UGT2B28: variants seen among roughly 807,000 people sequenced by gnomAD.
UGT2B28 encodes UDP-glucuronosyltransferase 2B28.
In UGT2B28, 45 loss-of-function variants were observed where a neutral mutation model predicts 43.6. The observed-to-expected ratio is 1.03, with a 90% confidence interval of 0.81 to 1.32. UGT2B28 has a LOEUF of 1.32. Among genes scored for constraint, UGT2B28 ranks in the 40% most tolerant of loss-of-function variants. The pLI is 0.00. For missense variants in UGT2B28, 649 were observed against 625.5 expected (o/e 1.04, Z -0.40); for synonymous variants, 204 against 208.1 (o/e 0.98, Z 0.17).
In UGT2B28 at chr4:69,282,513, G is replaced by T; in HGVS notation, c.722-1G>T. 1 of 1,540,238 alleles carries T rather than the reference G, an allele frequency of 6.5e-7. No individual in the cohort carries two copies. Among genetic ancestry groups the T allele is most frequent in the Non-Finnish European group, 8.7e-7 (1 of 1,149,932 alleles). ...CTTTTTCTTTTCTTTATTCCTGTCAGGAAGACCCACTACCTTATTTGAGAC... is the reference window on the plus strand; with the variant it reads ...CTTTTTCTTTTCTTTATTCCTGTCATGAAGACCCACTACCTTATTTGAGAC... On this transcript the variant is annotated splice_acceptor_variant, in intron 1 of 5. Coordinates refer to ENST00000335568, the MANE Select transcript of UGT2B28 (RefSeq NM_053039.2). LOFTEE classifies it high-confidence loss of function.
At chr4:69,285,675 A>G (rs1237681285) in intron 2 of UGT2B28, among the ~76,000 whole-genome samples, 5 of 141,750 alleles carry the variant, frequency 3.5e-5, no homozygotes, top group East Asian at 2.0e-4. Context: ...GTTAAAAACC[A>G]TTTGGAAAAG....
intron 5 of UGT2B28, among the ~76,000 whole-genome samples, chr4:69,292,276 G>A (rs115890847): frequency 0.013 from 1,753 of 139,962 alleles, 376 homozygotes; most frequent in African/African-American, 0.045. Context: ...TCCTTGCGGA[G>A]TCCAGCTACC....
At chr4:69,288,223 A>G (rs1489058198) in intron 3 of UGT2B28, among the ~76,000 whole-genome samples, 1 of 139,298 alleles carries the variant, frequency 7.2e-6, no homozygotes, top group Non-Finnish European at 1.5e-5. Flanking sequence ...GTCACTTGAA[A>G]TTTTTCTTGG....
chr4:69,286,711 G>C, intron 2 of UGT2B28, 41 bp from the exon 3 acceptor site: 1 of 1,544,694 alleles, frequency 6.5e-7, no homozygotes, highest in Non-Finnish European at 8.7e-7. Context: ...AGTGCCTGCT[G>C]TGGTGATACT....
At position 69,280,540 on chromosome 4, in the gene UGT2B28, C is replaced by A; in HGVS notation, c.40C>A (p.Leu14Ile). 1.9e-6 allele frequency: 3 copies of A among 1,559,296 alleles called. No individual in the cohort carries two copies. The highest frequency in any genetic ancestry group is 2.6e-6 in the Non-Finnish European group (3 of 1,155,248). The part of the protein sequence containing the change: ...KWTSVLLLIH[L>I]GCYFSSGSCG... ...GACTTCAGTTCTTCTGCTGATACAT[C>A]TCGGTTGTTACTTTAGCTCTGGGAG... The change falls in exon 1 of 6, where the codon CTC (leucine) becomes ATC (isoleucine). Residue 14 changes from leucine (L) to isoleucine (I), a missense_variant. By Grantham distance (5) the Leu-to-Ile change is conservative (BLOSUM62 2). Coordinates refer to ENST00000335568, the MANE Select transcript of UGT2B28 (RefSeq NM_053039.2).
In UGT2B28 at chr4:69,282,480, A is replaced by G. The variant is rs754046011; in HGVS notation, c.722-34A>G. ...AAGTTATGTAAAGTAATTATCTTAC[A>G]TCATCCACTTTTTCTTTTCTTTATT... On this transcript the variant is annotated intron_variant, in intron 1 of 5. Transcript: ENST00000335568. The G allele has an allele frequency of 7.8e-6, 12 of 1,529,204 alleles. 3 individuals are homozygous for G. In the African/African-American group the frequency reaches 1.7e-4, roughly 22 times the overall value. The allele number at this position is 1,529,204 out of a possible 1,614,324, so 94.7% of individuals were successfully genotyped here.
At position 69,292,267 on chromosome 4, in the gene UGT2B28, C is replaced by A. The variant is rs1221943958; in HGVS notation, c.1310+1456C>A. Among the ~76,000 whole-genome samples the A allele has an allele frequency of 1.4e-5, 2 of 139,662 alleles. 1 individual carries two copies. The highest frequency in any genetic ancestry group is 5.6e-5 in the African/African-American group (2 of 35,742). 91.6% of individuals were successfully genotyped at this position (139,662 alleles called of 152,430 possible). On this transcript the variant is annotated intron_variant, in intron 5 of 5. Transcript: ENST00000335568. Reference sequence around the variant, plus strand: ...CCCAAAGATAACAATGTGAAAAATTCCTTGCGGAGTCCAGCTACCATCAAT... The same window carrying A: ...CCCAAAGATAACAATGTGAAAAATTACTTGCGGAGTCCAGCTACCATCAAT...
chr4:69,282,891 G>T lies in UGT2B28; in HGVS notation c.870+229G>T, dbSNP rs150581853. Among the ~76,000 whole-genome samples, 468 of 139,652 alleles carry T rather than the reference G, an allele frequency of 3.4e-3. 103 individuals carry two copies. The highest frequency in any genetic ancestry group is 0.012 in the African/African-American group (442 of 35,748). The allele number at this position is 139,652 out of a possible 152,430, so 91.6% of individuals were successfully genotyped here. A position where few individuals can be genotyped will look rare whatever the true frequency, so the allele number is the denominator to read the frequency against. On this transcript the variant is annotated intron_variant, in intron 2 of 5. Transcript: ENST00000335568. The stretch of plus-strand genomic sequence containing the variant: ...ATAGTAAGGAGACTTTGAAAATAGG[G>T]TTGATTAAAGTCTTGATTATGCAAC...
Position 69,286,697 on chromosome 4 carries a change from T to TC in UGT2B28, c.871-55_871-54insC, listed in dbSNP as rs575588802. On this transcript the variant is annotated intron_variant, in intron 2 of 5. Transcript: ENST00000335568. ...TCTTTAATATTTGGTACCAATTCTT[T>TC]AGTAGTGCCTGCTGTGGTGATACTC... 4.2e-4 allele frequency: 644 copies of TC among 1,524,800 alleles called. 134 individuals are homozygous for TC. In the African/African-American group the frequency reaches 9.1e-3, roughly 22 times the overall value. The allele number at this position is 1,524,800 out of a possible 1,614,324, so 94.5% of individuals were successfully genotyped here. A position where few individuals can be genotyped will look rare whatever the true frequency, so the allele number is the denominator to read the frequency against.
In UGT2B28 at chr4:69,283,806, C is replaced by A. The variant is rs1268504241; in HGVS notation, c.870+1144C>A. ...TTATTCAGCACATCAAGGTTATATT[C>A]TCTTGCAAAGTCATATATGACAGAT... On this transcript the variant is annotated intron_variant, in intron 2 of 5. Coordinates refer to ENST00000335568, the MANE Select transcript of UGT2B28 (RefSeq NM_053039.2). Among the ~76,000 whole-genome samples, 2 of 140,464 alleles carry A rather than the reference C, an allele frequency of 1.4e-5. 1 individual carries two copies. Among genetic ancestry groups the A allele is most frequent in the Non-Finnish European group, 3.0e-5 (2 of 65,602 alleles). The allele number at this position is 140,464 out of a possible 152,430, so 92.1% of individuals were successfully genotyped here. A position where few individuals can be genotyped will look rare whatever the true frequency, so the allele number is the denominator to read the frequency against.
In UGT2B28 at chr4:69,281,139, C is replaced by A. The variant is rs542781153; in HGVS notation, c.639C>A (p.Asn213Lys). The change falls in exon 1 of 6, where the codon AAC (asparagine) becomes AAA (lysine). Residue 213 changes from asparagine to lysine, a missense_variant. Physicochemically the swap from Asn to Lys is moderately conservative, Grantham distance 94. Coordinates refer to ENST00000335568, the MANE Select transcript of UGT2B28 (RefSeq NM_053039.2). ...TGACTTTCATGGAGAGGGTAAAAAA[C>A]ATGATCTATGTGCTTTATTTTGACT... ...DQMTFMERVK[N>K]MIYVLYFDFW... 4 of 1,557,548 alleles carry A rather than the reference C, an allele frequency of 2.6e-6. 1 individual carries two copies. The highest frequency in any genetic ancestry group is 3.5e-6 in the Non-Finnish European group (4 of 1,154,610).
Position 69,294,682 on chromosome 4 carries a change from A to G in UGT2B28, c.1463A>G (p.Tyr488Cys), listed in dbSNP as rs1469391448. The G allele has an allele frequency of 1.3e-6, 2 of 1,560,276 alleles. 1 individual carries two copies. The highest frequency in any genetic ancestry group is 3.5e-5 in the Admixed American group (2 of 56,364). ...GCCCGTGACCTCACCTGGTTCCAGT[A>G]CCACTCTTTGGATGTGATTGGGTTT... ...VAARDLTWFQ[Y>C]HSLDVIGFLL... The change falls in exon 6 of 6, where the codon TAC becomes TGC. Residue 488 changes from tyrosine (Y) to cysteine (C), a missense_variant. Transcript: ENST00000335568.
At chr4:69,289,051 A>G (rs1468476081) in intron 3 of UGT2B28, among the ~76,000 whole-genome samples, 1 of 139,964 alleles carries the variant, frequency 7.1e-6, no homozygotes, top group Non-Finnish European at 1.5e-5. Flanking sequence ...CAACTAACAT[A>G]TATTTTCATG....
At position 69,294,733 on chromosome 4, in the gene UGT2B28, T is replaced by C. The variant is rs1209848949; in HGVS notation, c.1514T>C (p.Ile505Thr). The C allele has an allele frequency of 1.2e-5, 19 of 1,559,820 alleles. 1 individual carries two copies. Among genetic ancestry groups the C allele is most frequent in the East Asian group, 2.3e-5 (1 of 43,516 alleles). Residue 505 changes from isoleucine (I) to threonine (T), a missense_variant, in exon 6 of 6, where the codon ATA (isoleucine) becomes ACA (threonine). Ile to Thr is a moderately conservative substitution (Grantham distance 89, BLOSUM62 -1). Coordinates refer to ENST00000335568, the MANE Select transcript of UGT2B28 (RefSeq NM_053039.2). The part of the protein sequence containing the change: ...GFLLACVATV[I>T]FVVTKFCLFC... ...CTGCTGGCCTGTGTGGCAACTGTGA[T>C]ATTTGTCGTCACAAAGTTTTGTCTG...
Position 69,280,569 on chromosome 4 carries a change from TG to T in UGT2B28, c.71del (p.Gly24GlufsTer14), listed in dbSNP as rs769516497. On this transcript the variant is annotated frameshift_variant, in exon 1 of 6. Transcript: ENST00000335568. LOFTEE classifies it high-confidence loss of function. ...LGCYFSSGSC[G>X]KVLVWTGEYS... ...GTTGTTACTTTAGCTCTGGGAGTTG[TG>T]GAAAGGTGCTGGTGTGGACCGGTGA... is the stretch of plus-strand genomic sequence containing the variant. 6.4e-7 allele frequency: 1 copy of T among 1,560,628 alleles called. No homozygotes were observed. The highest frequency in any genetic ancestry group is 1.2e-5 in the South Asian group (1 of 84,370).
intron 2 of UGT2B28, among the ~76,000 whole-genome samples, chr4:69,285,149 A>G (rs1296469356): frequency 7.1e-6 from 1 of 139,868 alleles, no homozygotes; most frequent in Non-Finnish European, 1.5e-5. Context: ...TGCAGGATAA[A>G]ATGTATATAC....
At chr4:69,290,854 G>A in intron 5 of UGT2B28, 43 bp downstream of exon 5, 1 of 1,530,774 alleles carries the variant, frequency 6.5e-7, no homozygotes, top group Non-Finnish European at 8.8e-7. Flanking sequence ...TTTGTAGATA[G>A]CTTCTCTTTT....
intron 4 of UGT2B28, among the ~76,000 whole-genome samples, chr4:69,290,347 A>G (rs1723914592): frequency 7.1e-6 from 1 of 139,944 alleles, no homozygotes; most frequent in Non-Finnish European, 1.5e-5. Flanking sequence ...TAAAAAATCT[A>G]GAATGCACTT....
chr4:69,291,854 A>G (rs1723964336), intron 5 of UGT2B28, among the ~76,000 whole-genome samples: 1 of 140,108 alleles, frequency 7.1e-6, no homozygotes. Context: ...TATGGTTCCA[A>G]TTCCTCCACA....
Sources: allele counts gnomAD v4.1 joint callset (sites outside exome capture counted in the v4.1 genomes callset), GRCh38; gene constraint gnomAD v4.1.1; transcripts MANE v1.5; gene names NCBI Gene and HGNC (gene_info 2026-07-23, HGNC 2026-07-21).